Variants in RALGAPA1 observed in about 807,000 individuals in gnomAD.
RALGAPA1 encodes ral GTPase-activating protein subunit alpha-1.
A neutral mutation model predicts 269.6 loss-of-function variants in RALGAPA1; 52 were observed. That is an observed-to-expected ratio of 0.19 (90% CI 0.15 to 0.24). The LOEUF is 0.24. Among genes scored for constraint, RALGAPA1 ranks in the 10% least tolerant of loss-of-function variants. The pLI, the probability that RALGAPA1 is intolerant of heterozygous loss-of-function variation, is 1.00. For missense variants in RALGAPA1, 1,917 were observed against 3,013.9 expected (o/e 0.64, Z 8.52); for synonymous variants, 817 against 1,008.3 (o/e 0.81, Z 3.60).
rs1566717489 is a variant in RALGAPA1 at position 35,572,726 on chromosome 14, G to A, written c.7210-8C>T. The A allele has an allele frequency of 6.3e-7, 1 of 1,590,202 alleles. No homozygotes were observed. On this transcript the variant is annotated splice_polypyrimidine_tract_variant and splice_region_variant and intron_variant, in intron 37 of 41. Transcript: ENST00000680220. The stretch of plus-strand genomic sequence containing the variant: ...ATTTCCCAAATGTCTCAACTGGAAA[G>A]ACAAGAAAACAATTTATACTGCTTT...
chr14:35,731,734 A>G (rs1180502226), intron 12 of RALGAPA1, among the ~76,000 whole-genome samples: 1 of 152,210 alleles, frequency 6.6e-6, no homozygotes, highest in Non-Finnish European at 1.5e-5. Flanking sequence ...GAAGTCTGGG[A>G]TTATGTTAAA....
chr14:35,775,507 T>C, intron 2 of RALGAPA1, 128 bp downstream of exon 2: 1 of 1,112,386 alleles, frequency 9.0e-7, no homozygotes, highest in Non-Finnish European at 1.2e-6. Flanking sequence ...ATGATAGTAG[T>C]GTGAGAGGGA....
intron 31 of RALGAPA1, among the ~76,000 whole-genome samples, chr14:35,639,974 T>G (rs1360275219): frequency 6.6e-6 from 1 of 151,622 alleles, no homozygotes; most frequent in Non-Finnish European, 1.5e-5. Context: ...AAACAATATC[T>G]TCCTGAATGA....
chr14:35,770,203 G>A (rs1244162119), intron 4 of RALGAPA1, among the ~76,000 whole-genome samples: 1 of 152,094 alleles, frequency 6.6e-6, no homozygotes, highest in Non-Finnish European at 1.5e-5. Context: ...TGGAGAAAAA[G>A]CATTTGGCAA....
At chr14:35,801,407 TACAAGCATGCGCC>T (rs2076971646) in intron 1 of RALGAPA1, among the ~76,000 whole-genome samples, 2 of 152,106 alleles carry the variant, frequency 1.3e-5, no homozygotes, top group Admixed American at 6.6e-5. Flanking sequence ...TAGCTGGGAC[TACAAGCATGCGCC>T]ACAAGGTCCA....
At chr14:35,597,366 A>G (rs1156294995) in intron 36 of RALGAPA1, among the ~76,000 whole-genome samples, 1 of 152,134 alleles carries the variant, frequency 6.6e-6, no homozygotes, top group Non-Finnish European at 1.5e-5. Context: ...ATCTCCAGGT[A>G]GATTTTTTGT....
At chr14:35,797,338 C>G (rs1379209276) in intron 1 of RALGAPA1, among the ~76,000 whole-genome samples, 3 of 78,206 alleles carry the variant, frequency 3.8e-5, no homozygotes, top group African/African-American at 2.3e-4. Flanking sequence ...GGTGACAGAG[C>G]GAGACTCCGT....
At chr14:35,611,213 G>C (rs2059910250) in intron 35 of RALGAPA1, among the ~76,000 whole-genome samples, 1 of 151,888 alleles carries the variant, frequency 6.6e-6, no homozygotes. Context: ...GACCAGCCTG[G>C]GGCCGGGCAT....
At chr14:35,751,745 C>T (rs1010303913) in intron 8 of RALGAPA1, among the ~76,000 whole-genome samples, 2 of 151,392 alleles carry the variant, frequency 1.3e-5, no homozygotes, top group East Asian at 1.9e-4. Context: ...TATGCCATTG[C>T]ACTCCAGCCT....
chr14:35,781,668 T>C (rs2075442904), intron 1 of RALGAPA1, among the ~76,000 whole-genome samples: 1 of 152,016 alleles, frequency 6.6e-6, no homozygotes, highest in Non-Finnish European at 1.5e-5. Context: ...GAAGGCAAGG[T>C]TGGTTCAACA....
At position 35,748,727 on chromosome 14, in the gene RALGAPA1, G is replaced by A; in HGVS notation, c.1109C>T (p.Thr370Ile). 5 of 1,612,392 alleles carry A rather than the reference G, an allele frequency of 3.1e-6. No homozygotes were observed. The highest frequency in any genetic ancestry group is 4.2e-6 in the Non-Finnish European group (5 of 1,179,660). The change falls in exon 10 of 42, where the codon ACA (threonine) becomes ATA (isoleucine). Residue 370 changes from threonine (T) to isoleucine (I), a missense_variant. Thr to Ile is a moderately conservative substitution (Grantham distance 89). Coordinates refer to ENST00000680220, the MANE Select transcript of RALGAPA1 (RefSeq NM_001346249.2). ...TTEPEQSHSN[T>I]STLTEREPSS... ...AGGTTCTCGCTCCGTGAGAGTGCTTGTATTGGAATGAGACTGTTCGGGTTC... is the reference window on the plus strand; with the variant it reads ...AGGTTCTCGCTCCGTGAGAGTGCTTATATTGGAATGAGACTGTTCGGGTTC...
chr14:35,553,979 T>G (rs1029830204), intron 39 of RALGAPA1, among the ~76,000 whole-genome samples: 20 of 152,310 alleles, frequency 1.3e-4, no homozygotes, highest in African/African-American at 4.8e-4. Context: ...TTTCAGCACT[T>G]AGGAATTTTA....
At chr14:35,676,463 T>C (rs1356626494) in intron 22 of RALGAPA1, 1 of 152,032 alleles carries the variant, frequency 6.6e-6, no homozygotes, top group African/African-American at 2.4e-5. Flanking sequence ...CCACCTGCCT[T>C]TGCCTCCCAA....
intron 37 of RALGAPA1, among the ~76,000 whole-genome samples, chr14:35,588,628 A>C (rs1051925207): frequency 2.0e-5 from 3 of 152,218 alleles, no homozygotes; most frequent in Non-Finnish European, 4.4e-5. Context: ...TGTGGAAAAA[A>C]GAGGACTTTG....
intron 27 of RALGAPA1, among the ~76,000 whole-genome samples, 191 bp from the exon 28 acceptor site, chr14:35,659,387 C>CA (rs1050830711): frequency 1.3e-5 from 2 of 151,804 alleles, no homozygotes; most frequent in African/African-American, 4.8e-5. Flanking sequence ...AGCATACGTT[C>CA]AAAAAATAAC....
chr14:35,541,993 G>C, intron 41 of RALGAPA1: 1 of 1,240,650 alleles, frequency 8.1e-7, no homozygotes, highest in Non-Finnish European at 1.1e-6. Context: ...GGTTCACAAT[G>C]ACAATGCTTT....
At chr14:35,697,456 C>T (rs2066992755) in intron 17 of RALGAPA1, among the ~76,000 whole-genome samples, 1 of 152,072 alleles carries the variant, frequency 6.6e-6, no homozygotes, top group Non-Finnish European at 1.5e-5. Flanking sequence ...TGCCATTCTC[C>T]TGCCTCAGCC....
intron 18 of RALGAPA1, among the ~76,000 whole-genome samples, chr14:35,688,185 T>C (rs1360886836): frequency 6.6e-6 from 1 of 152,234 alleles, no homozygotes; most frequent in South Asian, 2.1e-4. Flanking sequence ...TAGTCTTTGA[T>C]AGGTTATTGA....
intron 37 of RALGAPA1, among the ~76,000 whole-genome samples, chr14:35,585,008 A>G (rs2058188859): frequency 6.6e-6 from 1 of 152,220 alleles, no homozygotes; most frequent in Admixed American, 6.5e-5. Context: ...AACACTAATC[A>G]AAAGAAAGCA....
Sources: allele counts gnomAD v4.1 joint callset (sites outside exome capture counted in the v4.1 genomes callset), GRCh38; gene constraint gnomAD v4.1.1; transcripts MANE v1.5; gene names NCBI Gene and HGNC (gene_info 2026-07-23, HGNC 2026-07-21).